Variants in IMPA2 observed in about 807,000 individuals in gnomAD.
IMPA2 encodes the protein inositol monophosphatase 2, also known as IMP 2.
In IMPA2, 32 loss-of-function variants were observed where a neutral mutation model predicts 35.1. That is an observed-to-expected ratio of 0.91 (90% confidence interval 0.69 to 1.23). The LOEUF is 1.23. Among genes scored for constraint, IMPA2 ranks in the 50% most tolerant of loss-of-function variants. IMPA2 has a pLI of 0.00. For synonymous variants in IMPA2, 135 were observed against 160.6 expected (o/e 0.84, Z 1.20); for missense variants, 334 against 387.6 (o/e 0.86, Z 1.16).
intron 5 of IMPA2, among the ~76,000 whole-genome samples, chr18:12,026,971 C>A (rs544025815): frequency 2.0e-5 from 3 of 152,274 alleles, no homozygotes; most frequent in African/African-American, 7.2e-5. Context: ...ATGAGAGTTT[C>A]CATGGAAGAA....
chr18:11,991,376 G>A lies in IMPA2; in HGVS notation c.97-7678G>A, dbSNP rs778091721. On this transcript the variant is annotated intron_variant, in intron 1 of 7. Transcript: ENST00000269159. The surrounding 1 kb of genome is among the most constrained non-coding windows in gnomAD (Gnocchi z 4.1). ...GTGGGCTGGCCTGGGAGCCACGTCT[G>A]CTTGGACCAGCTCCTCCTCTTCCTC... Among the ~76,000 whole-genome samples the A allele has an allele frequency of 6.6e-5, 10 of 152,310 alleles. No homozygotes were observed. Among genetic ancestry groups the A allele is most frequent in the Non-Finnish European group, 1.5e-4 (10 of 68,026 alleles).
intron 5 of IMPA2, among the ~76,000 whole-genome samples, chr18:12,022,531 ATATATATATATATATATATATAT>A (rs1907759672): frequency 4.5e-5 from 2 of 44,716 alleles, no homozygotes; most frequent in African/African-American, 7.8e-5. Context: ...CAAAAAGAAT[ATATATATATATATATATATATAT>A]ATTTGTGTGT....
chr18:12,029,106 CTGTT>C, intron 7 of IMPA2, 113 bp downstream of exon 7: 14 of 358,054 alleles, frequency 3.9e-5, no homozygotes, highest in South Asian at 5.3e-5. Flanking sequence ...CCCAGAGTTT[CTGTT>C]TTTTTTTTTT....
intron 1 of IMPA2, among the ~76,000 whole-genome samples, chr18:11,993,688 CG>C (rs751435323): frequency 2.0e-5 from 3 of 152,212 alleles, no homozygotes; most frequent in Non-Finnish European, 4.4e-5. Context: ...GACGGCCACA[CG>C]GGCGACCTCC....
intron 4 of IMPA2, 191 bp downstream of exon 4, chr18:12,012,406 G>A (rs751256999): frequency 7.4e-5 from 44 of 595,338 alleles, no homozygotes; most frequent in Middle Eastern, 2.8e-4. Context: ...GGTGTGCGGG[G>A]TGGGGCTCCG....
chr18:11,988,220 AG>A (rs1906721388), intron 1 of IMPA2, among the ~76,000 whole-genome samples: 1 of 151,764 alleles, frequency 6.6e-6, no homozygotes, highest in Admixed American at 6.6e-5. Flanking sequence ...TGGCCAGGCC[AG>A]TCTCAAACTC....
At position 12,030,698 on chromosome 18, in the gene IMPA2, G is replaced by T; in HGVS notation, c.*240G>T. The T allele has an allele frequency of 4.0e-6, 2 of 496,124 alleles. No homozygotes were observed. The allele number at this position is 496,124 out of a possible 1,614,324, so 30.7% of individuals were successfully genotyped here. A position where few individuals can be genotyped will look rare whatever the true frequency, so the allele number is the denominator to read the frequency against. ...CGTAGCCTTTTTCAGGTTAGTACGTGTTCTTCTGTCAGGGCCAAAACTCAA... is the reference window on the plus strand; with the variant it reads ...CGTAGCCTTTTTCAGGTTAGTACGTTTTCTTCTGTCAGGGCCAAAACTCAA... On this transcript the variant is annotated 3_prime_UTR_variant, in exon 8 of 8. Coordinates refer to ENST00000269159, the MANE Select transcript of IMPA2 (RefSeq NM_014214.3).
At chr18:12,024,639 T>C (rs1209042633) in intron 5 of IMPA2, among the ~76,000 whole-genome samples, 2 of 152,210 alleles carry the variant, frequency 1.3e-5, no homozygotes, top group African/African-American at 4.8e-5. Context: ...TTGATTTTCC[T>C]GGCCAAAGTA....
intron 4 of IMPA2, among the ~76,000 whole-genome samples, chr18:12,013,873 G>A (rs1243310909): frequency 6.6e-6 from 1 of 152,192 alleles, no homozygotes; most frequent in Non-Finnish European, 1.5e-5. Flanking sequence ...TCACACATCA[G>A]CAATTTTGAG....
At chr18:12,012,109 C>T in intron 3 of IMPA2, 61 bp from the exon 4 acceptor site, 1 of 1,531,878 alleles carries the variant, frequency 6.5e-7, no homozygotes, top group East Asian at 2.2e-5. Flanking sequence ...GCACAGCACA[C>T]AGGCTCCCGA....
At chr18:12,020,913 T>A (rs993833654) in intron 5 of IMPA2, among the ~76,000 whole-genome samples, 2 of 152,042 alleles carry the variant, frequency 1.3e-5, no homozygotes, top group Non-Finnish European at 2.9e-5. Flanking sequence ...TGCTCCTCAC[T>A]CTTTTTTTCT....
At chr18:12,006,718 G>T (rs549828162) in intron 2 of IMPA2, among the ~76,000 whole-genome samples, 2 of 152,190 alleles carry the variant, frequency 1.3e-5, no homozygotes, top group South Asian at 2.1e-4. Context: ...CAGCAAAATG[G>T]AGGGGCTGGA....
intron 2 of IMPA2, among the ~76,000 whole-genome samples, chr18:12,006,350 T>A (rs1323585178): frequency 4.6e-5 from 7 of 152,224 alleles, no homozygotes; most frequent in Non-Finnish European, 1.0e-4. Context: ...GGCCTGTGCA[T>A]CACCTGACCT....
At chr18:12,019,658 A>G (rs564501281) in intron 5 of IMPA2, among the ~76,000 whole-genome samples, 3 of 152,208 alleles carry the variant, frequency 2.0e-5, no homozygotes, top group South Asian at 4.1e-4. Flanking sequence ...GCTATCTTGT[A>G]CTTTGAATGG....
rs181117936 is a variant in IMPA2, at chr18:11,991,051, A to G, written c.97-8003A>G. The stretch of plus-strand genomic sequence containing the variant: ...GTGTGAGGTGGAGGCCATCTCCAGG[A>G]AGCTCAGCTGCTGAAGGCAGGTCCG... On this transcript the variant is annotated intron_variant, in intron 1 of 7. Transcript: ENST00000269159. This position sits in a 1 kb window ranked among gnomAD's most constrained non-coding sequence, Gnocchi z 4.1. 7.9e-5 allele frequency among the ~76,000 whole-genome samples: 12 copies of G among 152,304 alleles called. No individual in the cohort carries two copies. In the East Asian group the frequency reaches 1.7e-3, roughly 22 times the overall value.
intron 1 of IMPA2, among the ~76,000 whole-genome samples, chr18:11,982,465 G>A (rs758409298): frequency 1.3e-5 from 2 of 152,198 alleles, no homozygotes; most frequent in Non-Finnish European, 2.9e-5. Flanking sequence ...GTTCTCCCAG[G>A]ACTGTAAGAT....
In IMPA2 at chr18:12,025,835, G is replaced by T. The variant is rs1251105307; in HGVS notation, c.491-2208G>T. The stretch of plus-strand genomic sequence containing the variant: ...TCCTCCCGCCTCAGCCTCCCAAAGT[G>T]CTGGGATTACAGGCGTAAGCCATGC... On this transcript the variant is annotated intron_variant, in intron 5 of 7. Transcript: ENST00000269159. Among the ~76,000 whole-genome samples, 2 of 152,084 alleles carry T rather than the reference G, an allele frequency of 1.3e-5. 1 individual carries two copies. Among genetic ancestry groups the T allele is most frequent in the African/African-American group, 4.8e-5 (2 of 41,432 alleles).
intron 2 of IMPA2, among the ~76,000 whole-genome samples, chr18:12,003,939 G>A (rs1332967539): frequency 2.0e-5 from 3 of 152,230 alleles, no homozygotes; most frequent in African/African-American, 7.2e-5. Context: ...GGTTGGCCTA[G>A]GCCCAGAGAT....
chr18:12,020,440 G>A (rs1489148236), intron 5 of IMPA2, among the ~76,000 whole-genome samples: 8 of 152,122 alleles, frequency 5.3e-5, no homozygotes, highest in Middle Eastern at 3.2e-3. Flanking sequence ...TGATCTGCCC[G>A]CCTCGGCCTC....
Sources: gnomAD v4.1 joint callset for allele counts (sites outside exome capture counted in the v4.1 genomes callset) on GRCh38, gnomAD v4.1.1 for gene constraint, Gnocchi (gnomAD v3.1) non-coding constraint, MANE v1.5 for transcripts, NCBI Gene and HGNC (gene_info 2026-07-23, HGNC 2026-07-21) for gene names.